The following SIRT2 variants were observed in gnomAD, a reference collection of about 807,000 sequenced individuals.
SIRT2 encodes the protein NAD-dependent protein deacetylase sirtuin-2.
A neutral mutation model predicts 57.4 loss-of-function variants in SIRT2; 40 were observed. The observed-to-expected ratio is 0.70, with a 90% confidence interval of 0.54 to 0.91. The LOEUF (loss-of-function observed/expected upper bound fraction) is 0.91. Among genes scored for constraint, SIRT2 ranks in the 40% least tolerant of loss-of-function variants. SIRT2 has a pLI of 0.00. For synonymous variants in SIRT2, 161 were observed against 195.7 expected, an observed-to-expected ratio of 0.82 and a Z score of 1.48; for missense variants, 439 against 510.4, an observed-to-expected ratio of 0.86 and a Z score of 1.35.
Position 38,898,363 on chromosome 19 carries a change from CT to C in SIRT2, c.63+15del. 2.7e-6 allele frequency: 4 copies of C among 1,492,526 alleles called. No homozygotes were observed. The highest frequency in any genetic ancestry group is 2.8e-5 in the South Asian group (2 of 72,350). 92.5% of individuals were successfully genotyped at this position (1,492,526 alleles called of 1,614,324 possible). Reference sequence around the variant, plus strand: ...GTCCGTCTCTCTCCTCCCCTCCACCCTTTCCCCCATCTCACCTGAGCCTCCT... The same window carrying C: ...GTCCGTCTCTCTCCTCCCCTCCACCCTTCCCCCATCTCACCTGAGCCTCCT... On this transcript the variant is annotated intron_variant, in intron 2 of 15. Transcript: ENST00000249396.
In SIRT2 at chr19:38,889,841, G is replaced by A; in HGVS notation, c.375+14C>T. The A allele has an allele frequency of 6.2e-7, 1 of 1,613,204 alleles. No homozygotes were observed. Among genetic ancestry groups the A allele is most frequent in the Non-Finnish European group, 8.5e-7 (1 of 1,179,184 alleles). ...CCACCCCTCACAGACGCCCCTTCCT[G>A]GGGGAGCACAAACCTTGAAATAGCT... On this transcript the variant is annotated intron_variant, in intron 6 of 15. Transcript: ENST00000249396.
At chr19:38,883,527 C>A (rs1181153532) in intron 9 of SIRT2, 100 bp downstream of exon 9, 13 of 1,452,540 alleles carry the variant, frequency 8.9e-6, no homozygotes, top group Admixed American at 2.0e-5. Context: ...AACAAAAAAA[C>A]CCCAAAGAAT....
At chr19:38,883,603 C>T in intron 9 of SIRT2, 24 bp downstream of exon 9, 2 of 1,609,184 alleles carry the variant, frequency 1.2e-6, no homozygotes, top group South Asian at 1.1e-5. Context: ...GGAGGCCTGC[C>T]CTCAGGATGC....
At chr19:38,897,199 C>G (rs928153692) in intron 2 of SIRT2, among the ~76,000 whole-genome samples, 1 of 152,186 alleles carries the variant, frequency 6.6e-6, no homozygotes, top group Non-Finnish European at 1.5e-5. Context: ...TGGCACTAAA[C>G]AGTGGGCCCA....
At chr19:38,887,662 C>T (rs1024992590) in intron 8 of SIRT2, among the ~76,000 whole-genome samples, 1 of 152,194 alleles carries the variant, frequency 6.6e-6, no homozygotes, top group African/African-American at 2.4e-5. Flanking sequence ...CTCCCCCTGG[C>T]GGTAGCTTTT....
chr19:38,884,518 G>C (rs1421095961), intron 8 of SIRT2, among the ~76,000 whole-genome samples: 1 of 151,578 alleles, frequency 6.6e-6, no homozygotes, highest in Admixed American at 6.6e-5. Flanking sequence ...GCACAATCTC[G>C]GCTCACTGCA....
chr19:38,888,185 T>G (rs149779934), intron 8 of SIRT2, among the ~76,000 whole-genome samples: 1 of 152,236 alleles, frequency 6.6e-6, no homozygotes, highest in Non-Finnish European at 1.5e-5. Flanking sequence ...TGTTTTGATT[T>G]GTTTTTTGTT....
rs1394082677 is a variant in SIRT2 at position 38,889,945 on chromosome 19, G to A, written c.285C>T (p.Asp95=). ...AGAGGCCGGTGGATGGAGAGCGAAAGTCGGGGATGCCTGCGGCTAGGAAAG... is the reference window on the plus strand; with the variant it reads ...AGAGGCCGGTGGATGGAGAGCGAAAATCGGGGATGCCTGCGGCTAGGAAAG... ...AGISTSAGIP[D]FRSPSTGLYD... Residue 95 remains aspartate, a synonymous_variant, in exon 6 of 16, where the codon GAC becomes GAT. Transcript: ENST00000249396. The A allele has an allele frequency of 6.2e-7, 1 of 1,614,072 alleles. No individual in the cohort carries two copies. The highest frequency in any genetic ancestry group is 1.3e-5 in the African/African-American group (1 of 74,924).
intron 2 of SIRT2, chr19:38,894,948 C>G (rs1347042710): frequency 2.2e-6 from 1 of 455,832 alleles, no homozygotes; most frequent in African/African-American, 2.0e-5. Context: ...CCCCCAGCCT[C>G]TCACTCCTAC....
chr19:38,881,308 G>A, intron 10 of SIRT2, 124 bp downstream of exon 10: 2 of 1,162,192 alleles, frequency 1.7e-6, no homozygotes, highest in Non-Finnish European at 2.5e-6. Flanking sequence ...GGATGGATCT[G>A]GGGCACTGTT....
chr19:38,881,313 A>G lies in SIRT2; in HGVS notation c.691+119T>C, dbSNP rs1256200834. On this transcript the variant is annotated intron_variant, in intron 10 of 15. Coordinates refer to ENST00000249396, the MANE Select transcript of SIRT2 (RefSeq NM_012237.4). ...ATTCTCCCCAGGATGGATCTGGGGC[A>G]CTGTTCAGAGAGACAGAGGTGGCCA... 4 of 1,173,760 alleles carry G rather than the reference A, an allele frequency of 3.4e-6. No homozygotes were observed. In the Admixed American group the frequency reaches 7.9e-5, roughly 23 times the overall value. 72.7% of individuals were successfully genotyped at this position (1,173,760 alleles called of 1,614,324 possible).
In SIRT2 at chr19:38,898,402, C is replaced by G. The variant is rs1473123135; in HGVS notation, c.40G>C (p.Ala14Pro). Residue 14 changes from alanine to proline, a missense_variant, in exon 2 of 16, where the codon GCA (alanine) becomes CCA (proline). By Grantham distance (27) the Ala-to-Pro change is conservative. Coordinates refer to ENST00000249396, the MANE Select transcript of SIRT2 (RefSeq NM_012237.4). ...PDPSHPLETQAGKVQEAQDSD... is the reference protein window; with the variant it reads ...PDPSHPLETQPGKVQEAQDSD... ...ACCTGAGCCTCCTGCACCTTCCCTG[C>G]CTGGGTCTCCAGAGGGTGAGAGGCT... 5.1e-6 allele frequency: 8 copies of G among 1,554,498 alleles called. No individual in the cohort carries two copies. Among genetic ancestry groups the G allele is most frequent in the Non-Finnish European group, 7.0e-6 (8 of 1,142,588 alleles).
rs756233396 is a variant in SIRT2 at position 38,883,737 on chromosome 19, C to T, written c.521G>A (p.Arg174Gln). 78 of 1,613,884 alleles carry T rather than the reference C, an allele frequency of 4.8e-5. No homozygotes were observed. The Admixed American group carries it at 7.0e-4, about 14-fold the overall frequency. Reference sequence around the variant, plus strand: ...GTCCTCCTGTTCCAGCCCGGCTATTCGCTCCAGGGTATCTATGTTCTAGAG... The same window carrying T: ...GTCCTCCTGTTCCAGCCCGGCTATTTGCTCCAGGGTATCTATGTTCTAGAG... ...CYTQNIDTLE[R>Q]IAGLEQEDLV... The change falls in exon 9 of 16, where the codon CGA (arginine) becomes CAA (glutamine). Residue 174 changes from arginine (R) to glutamine (Q), a missense_variant. Coordinates refer to ENST00000249396, the MANE Select transcript of SIRT2 (RefSeq NM_012237.4).
Position 38,878,984 on chromosome 19 carries a change from T to C in SIRT2, c.*171A>G. The C allele has an allele frequency of 1.6e-6, 1 of 618,734 alleles. No homozygotes were observed. The highest frequency in any genetic ancestry group is 3.1e-5 in the East Asian group (1 of 32,466). 38.3% of individuals were successfully genotyped at this position (618,734 alleles called of 1,614,324 possible). A position where few individuals can be genotyped will look rare whatever the true frequency, so the allele number is the denominator to read the frequency against. Reference sequence around the variant, plus strand: ...CCTCTAGGAGGTGTTAGAGATTTGCTGGGGTTGGGGGCCAGGGTTGCTGGG... The same window carrying C: ...CCTCTAGGAGGTGTTAGAGATTTGCCGGGGTTGGGGGCCAGGGTTGCTGGG... On this transcript the variant is annotated 3_prime_UTR_variant, in exon 16 of 16. Transcript: ENST00000249396.
intron 1 of SIRT2, 71 bp downstream of exon 1, chr19:38,899,435 G>C (rs893513890): frequency 6.3e-7 from 1 of 1,580,540 alleles, no homozygotes; most frequent in African/African-American, 1.3e-5. Flanking sequence ...GCCACCCTTG[G>C]GCCCCGGGGC....
At position 38,880,573 on chromosome 19, in the gene SIRT2, T is replaced by G; in HGVS notation, c.876+112A>C. Reference sequence around the variant, plus strand: ...CTCTGGATTCTAGAGCCCCAGGTTCTGAGCTGAGGAATGCAAAGTGCTGGG... The same window carrying G: ...CTCTGGATTCTAGAGCCCCAGGTTCGGAGCTGAGGAATGCAAAGTGCTGGG... On this transcript the variant is annotated intron_variant, in intron 13 of 15. Coordinates refer to ENST00000249396, the MANE Select transcript of SIRT2 (RefSeq NM_012237.4). The surrounding 1 kb of genome is among the most constrained non-coding windows in gnomAD (Gnocchi z 4.1). 11 of 723,322 alleles carry G rather than the reference T, an allele frequency of 1.5e-5. No homozygotes were observed. The highest frequency in any genetic ancestry group is 5.8e-5 in the South Asian group (3 of 51,852). 44.8% of individuals were successfully genotyped at this position (723,322 alleles called of 1,614,324 possible). A position where few individuals can be genotyped will look rare whatever the true frequency, so the allele number is the denominator to read the frequency against.
Position 38,879,091 on chromosome 19 carries a change from C to T in SIRT2, c.*64G>A. The T allele has an allele frequency of 6.7e-7, 1 of 1,488,402 alleles. No homozygotes were observed. The highest frequency in any genetic ancestry group is 2.4e-5 in the East Asian group (1 of 42,436). The allele number at this position is 1,488,402 out of a possible 1,614,324, so 92.2% of individuals were successfully genotyped here. ...ACAAGAACTGCTGGTTAAGAGGGGGCCAGGCCCGGTTGGGGCTCAGCTGTC... is the reference window on the plus strand; with the variant it reads ...ACAAGAACTGCTGGTTAAGAGGGGGTCAGGCCCGGTTGGGGCTCAGCTGTC... On this transcript the variant is annotated 3_prime_UTR_variant, in exon 16 of 16. Coordinates refer to ENST00000249396, the MANE Select transcript of SIRT2 (RefSeq NM_012237.4).
At chr19:38,891,219 C>G (rs755556871) in intron 4 of SIRT2, among the ~76,000 whole-genome samples, 6 of 152,246 alleles carry the variant, frequency 3.9e-5, no homozygotes, top group Non-Finnish European at 8.8e-5. Flanking sequence ...AGCCCAGTGC[C>G]TGGCAAATAG....
intron 1 of SIRT2, 58 bp downstream of exon 1, chr19:38,899,448 G>A: frequency 1.2e-6 from 2 of 1,604,170 alleles, no homozygotes; most frequent in South Asian, 1.1e-5. Context: ...CCCGGGGCCT[G>A]CAGCATTCAG....
Sources: allele counts gnomAD v4.1 joint callset (sites outside exome capture counted in the v4.1 genomes callset), GRCh38; gene constraint gnomAD v4.1.1; non-coding constraint Gnocchi (gnomAD v3.1); transcripts MANE v1.5; gene names NCBI Gene and HGNC (gene_info 2026-07-23, HGNC 2026-07-21).